Variants in DDX56 observed in about 807,000 individuals in gnomAD.
The protein encoded by DDX56 is DEAD-box helicase 56.
A neutral mutation model predicts 61.5 loss-of-function variants in DDX56; 45 were observed. The observed-to-expected ratio is 0.73, with a 90% confidence interval of 0.58 to 0.94. The LOEUF (loss-of-function observed/expected upper bound fraction) is 0.94. Among genes scored for constraint, DDX56 ranks in the 40% least tolerant of loss-of-function variants. The probability of loss-of-function intolerance (pLI) is 0.00; values close to 1 mark genes in which losing one functional copy is unlikely to be tolerated. For missense variants in DDX56, 708 were observed against 690.7 expected (o/e 1.02, Z -0.28); for synonymous variants, 273 against 268.3 (o/e 1.02, Z -0.17).
At position 44,568,154 on chromosome 7, in the gene DDX56, C is replaced by A; in HGVS notation, c.1453G>T (p.Val485Leu). 6.2e-7 allele frequency: 1 copy of A among 1,614,162 alleles called. No homozygotes were observed. The highest frequency in any genetic ancestry group is 8.5e-7 in the Non-Finnish European group (1 of 1,179,978). The stretch of plus-strand genomic sequence containing the variant: ...GGAACATGGCCCAGGTGGGGCTTCA[C>A]CACTGCGGGGTGCAAAGGTAGGTCA... ...RHDLPLHPAV[V>L]KPHLGHVPDY... The change falls in exon 12 of 14, where the codon GTG (valine) becomes TTG (leucine). Residue 485 changes from valine (V) to leucine (L), a missense_variant. Val to Leu is a conservative substitution (Grantham distance 32). Transcript: ENST00000258772.
chr7:44,571,838 G>A, intron 5 of DDX56, 102 bp from the exon 6 acceptor site: 2 of 1,474,376 alleles, frequency 1.4e-6, no homozygotes, highest in Admixed American at 1.9e-5. Context: ...GCAGGGCAGA[G>A]ATGCATTTAA....
Position 44,568,187 on chromosome 7 carries a change from G to A in DDX56, c.1420C>T (p.Leu474=). Residue 474 remains leucine (L), a synonymous_variant, in exon 12 of 14, where the codon CTG becomes TTG. Coordinates refer to ENST00000258772, the MANE Select transcript of DDX56 (RefSeq NM_019082.4). ...FEDNPRDLQL[L]RHDLPLHPAV... ...GGGTGCAAAGGTAGGTCATGCCGCA[G>A]CAGCTGGAGGTCCCTAGGGTTGTCT... 1.2e-6 allele frequency: 2 copies of A among 1,613,980 alleles called. No homozygotes were observed. The highest frequency in any genetic ancestry group is 1.7e-6 in the Non-Finnish European group (2 of 1,179,892).
Position 44,569,921 on chromosome 7 carries a change from G to A in DDX56, c.1125-18C>T. ...GTGCTGTCCTGCAAGGGAAGACAGT[G>A]CAGCTTGCATCTCCAACCCGCAGGC... is the stretch of plus-strand genomic sequence containing the variant. On this transcript the variant is annotated intron_variant, in intron 8 of 13. Coordinates refer to ENST00000258772, the MANE Select transcript of DDX56 (RefSeq NM_019082.4). The A allele has an allele frequency of 6.2e-7, 1 of 1,611,248 alleles. No individual in the cohort carries two copies. The highest frequency in any genetic ancestry group is 1.1e-5 in the South Asian group (1 of 90,504).
Position 44,572,725 on chromosome 7 carries a change from G to A in DDX56, c.403C>T (p.Pro135Ser). ...VSQRAVLMEK[P>S]DVVVGTPSRI... is the part of the protein sequence containing the mutation. ...GATGGGGTCCCTACTACCACATCTGGCTTCTCCATCAGCACAGCTCTGGAG... is the reference window on the plus strand; with the variant it reads ...GATGGGGTCCCTACTACCACATCTGACTTCTCCATCAGCACAGCTCTGGAG... The change falls in exon 4 of 14, where the codon CCA becomes TCA. Residue 135 changes from proline (P) to serine (S), a missense_variant. Physicochemically the swap from Pro to Ser is moderately conservative, Grantham distance 74. Coordinates refer to ENST00000258772, the MANE Select transcript of DDX56 (RefSeq NM_019082.4). The A allele has an allele frequency of 1.2e-6, 2 of 1,614,208 alleles. No individual in the cohort carries two copies. Among genetic ancestry groups the A allele is most frequent in the Non-Finnish European group, 1.7e-6 (2 of 1,180,044 alleles).
chr7:44,566,533 G>C lies in DDX56; in HGVS notation c.1490-9C>G. The C allele has an allele frequency of 1.3e-6, 2 of 1,549,506 alleles. No homozygotes were observed. The highest frequency in any genetic ancestry group is 1.4e-5 in the African/African-American group (1 of 73,164). On this transcript the variant is annotated splice_polypyrimidine_tract_variant and intron_variant, in intron 12 of 13. Coordinates refer to ENST00000258772, the MANE Select transcript of DDX56 (RefSeq NM_019082.4). ...ACGGAGAGCAGGAGGAACTGGAAGA[G>C]ATGCTTGCCTGAGCAGTGGGCTCAC... is the stretch of plus-strand genomic sequence containing the variant.
rs149185422 is a variant in DDX56, at chr7:44,570,735, T to C, written c.1010+23A>G. ...AAACACAGGCATTTCTGGGGAGGGA[T>C]GGAAAAAGAGGCATGGACTCACTTG... On this transcript the variant is annotated intron_variant, in intron 7 of 13. Coordinates refer to ENST00000258772, the MANE Select transcript of DDX56 (RefSeq NM_019082.4). 18 of 1,583,380 alleles carry C rather than the reference T, an allele frequency of 1.1e-5. No homozygotes were observed. In the African/African-American group the frequency reaches 2.2e-4, roughly 19 times the overall value.
Position 44,571,700 on chromosome 7 carries a change from G to C in DDX56, c.682C>G (p.Pro228Ala), listed in dbSNP as rs759621867. The change falls in exon 6 of 14, where the codon CCA becomes GCA. Residue 228 changes from proline to alanine, a missense_variant. Pro to Ala is a conservative substitution (Grantham distance 27). Transcript: ENST00000258772. ...LKLQESQLPG[P>A]DQLQQFQVVC... ...ACCTGAAACTGCTGTAACTGGTCTG[G>C]CCCAGGCAGCTGGGACTCCTGTAAC... The C allele has an allele frequency of 1.2e-6, 2 of 1,614,054 alleles. No individual in the cohort carries two copies. Among genetic ancestry groups the C allele is most frequent in the Non-Finnish European group, 1.7e-6 (2 of 1,180,030 alleles).
intron 12 of DDX56, among the ~76,000 whole-genome samples, chr7:44,566,953 G>A (rs2117117236): frequency 6.6e-6 from 1 of 152,068 alleles, no homozygotes; most frequent in Admixed American, 6.5e-5. Flanking sequence ...CCCTTCAAAT[G>A]TCAAACATCC....
intron 6 of DDX56, among the ~76,000 whole-genome samples, 171 bp from the exon 7 acceptor site, chr7:44,571,048 G>T (rs1015438614): frequency 6.6e-6 from 1 of 152,102 alleles, no homozygotes; most frequent in Non-Finnish European, 1.5e-5. Flanking sequence ...ATAGGGTTTT[G>T]TTTTTTTGAG....
At chr7:44,570,992 T>C (rs186793709) in intron 6 of DDX56, 115 bp from the exon 7 acceptor site, 2 of 1,304,694 alleles carry the variant, frequency 1.5e-6, no homozygotes, top group African/African-American at 3.0e-5. Flanking sequence ...TTAATCTCTT[T>C]CCCTACTTAA....
chr7:44,573,631 C>A lies in DDX56; in HGVS notation c.174G>T (p.Thr58=). The A allele has an allele frequency of 2.5e-6, 4 of 1,613,830 alleles. No individual in the cohort carries two copies. The highest frequency in any genetic ancestry group is 3.4e-6 in the Non-Finnish European group (4 of 1,180,028). Residue 58 remains threonine, a synonymous_variant, in exon 2 of 14, where the codon ACG becomes ACT. Transcript: ENST00000258772. ...LARARTGSGK[T]AAYAIPMLQL... ...GCAGCATCGGAATAGCATAAGCGGC[C>A]GTCTTCCCGGAGCCCGTGCGGGCCC... is the stretch of plus-strand genomic sequence containing the variant.
Position 44,573,599 on chromosome 7 carries a change from A to C in DDX56, c.206T>G (p.Leu69Trp). 6 of 1,613,716 alleles carry C rather than the reference A, an allele frequency of 3.7e-6. No individual in the cohort carries two copies. Among genetic ancestry groups the C allele is most frequent in the Non-Finnish European group, 5.1e-6 (6 of 1,179,864 alleles). The change falls in exon 2 of 14, where the codon TTG (leucine) becomes TGG (tryptophan). Residue 69 changes from leucine to tryptophan, a missense_variant. Transcript: ENST00000258772. ...AAYAIPMLQL[L>W]LHRKATGPVV... ...GTTACCCACCGCCTTCCTATGGAGCAACAGCTGCAGCATCGGAATAGCATA... is the reference window on the plus strand; with the variant it reads ...GTTACCCACCGCCTTCCTATGGAGCCACAGCTGCAGCATCGGAATAGCATA...
intron 11 of DDX56, among the ~76,000 whole-genome samples, chr7:44,568,603 A>G (rs558398664): frequency 6.6e-6 from 1 of 152,186 alleles, no homozygotes; most frequent in Admixed American, 6.5e-5. Context: ...ATGCAGGCAC[A>G]TGCTTGACTG....
rs1483367225 is a variant in DDX56, at chr7:44,566,017, T to C, written c.1629A>G (p.Thr543=). 6.2e-7 allele frequency: 1 copy of C among 1,612,856 alleles called. No individual in the cohort carries two copies. The highest frequency in any genetic ancestry group is 1.3e-5 in the African/African-American group (1 of 75,022). Residue 543 remains threonine, a synonymous_variant, in exon 14 of 14, where the codon ACA becomes ACG. Coordinates refer to ENST00000258772, the MANE Select transcript of DDX56 (RefSeq NM_019082.4). ...FKHKGKKFRP[T]AKPS ...CCCAACAACCTCAGGAGGGCTTGGC[T>C]GTGGGTCTGAATTTCTTTCCTTTGT...
Position 44,570,813 on chromosome 7 carries a change from C to T in DDX56, c.955G>A (p.Val319Ile), listed in dbSNP as rs150431895. ...YDCVIATDAE[V>I]LGAPVKGKRR... Reference sequence around the variant, plus strand: ...TTGCCCTTGACTGGGGCCCCCAGGACTTCAGCATCAGTTGCTATGACACAG... The same window carrying T: ...TTGCCCTTGACTGGGGCCCCCAGGATTTCAGCATCAGTTGCTATGACACAG... The change falls in exon 7 of 14, where the codon GTC becomes ATC. Residue 319 changes from valine (V) to isoleucine (I), a missense_variant. Val to Ile is a conservative substitution (Grantham distance 29). Transcript: ENST00000258772. 1.3e-3 allele frequency: 2,130 copies of T among 1,614,030 alleles called. 4 individuals carry two copies. The highest frequency in any genetic ancestry group is 4.3e-3 in the Middle Eastern group (26 of 6,060).
At chr7:44,566,301 G>C in intron 13 of DDX56, 147 bp downstream of exon 13, 1 of 814,598 alleles carries the variant, frequency 1.2e-6, no homozygotes. Flanking sequence ...CAGATTTTTG[G>C]GGCCCGGTTC....
At chr7:44,566,131 C>CGGGGGGGGGGGGGGGGGGGGGGGG in intron 13 of DDX56, 52 bp from the exon 14 acceptor site, 2 of 1,051,726 alleles carry the variant, frequency 1.9e-6, no homozygotes, top group Non-Finnish European at 1.4e-6. Context: ...GACAGACAAT[C>CGGGGGGGGGGGGGGGGGGGGGGGG]CACCCACCCA....
Position 44,568,856 on chromosome 7 carries a change from G to A in DDX56, c.1383+47C>T, listed in dbSNP as rs200123604. On this transcript the variant is annotated intron_variant, in intron 11 of 13. Transcript: ENST00000258772. ...TCGGAGCTCAGCCAGTCTCCAAAAA[G>A]GGCAGCCGTCTAAGATCTATCCCCT... 435 of 1,518,048 alleles carry A rather than the reference G, an allele frequency of 2.9e-4. 1 individual carries two copies. Among genetic ancestry groups the A allele is most frequent in the Admixed American group, 1.3e-3 (76 of 59,674 alleles). The allele number at this position is 1,518,048 out of a possible 1,614,324, so 94.0% of individuals were successfully genotyped here.
Position 44,568,111 on chromosome 7 carries a change from C to T in DDX56, c.1489+7G>A. 6.2e-7 allele frequency: 1 copy of T among 1,610,440 alleles called. No homozygotes were observed. The highest frequency in any genetic ancestry group is 8.5e-7 in the Non-Finnish European group (1 of 1,176,618). ...TGCTGCCTCCTGCCCTGTCAGGCCA[C>T]ACTCACCCAGGTAGTCAGGAACATG... On this transcript the variant is annotated splice_region_variant and intron_variant, in intron 12 of 13. Coordinates refer to ENST00000258772, the MANE Select transcript of DDX56 (RefSeq NM_019082.4).
Sources: allele counts gnomAD v4.1 joint callset (sites outside exome capture counted in the v4.1 genomes callset), GRCh38; gene constraint gnomAD v4.1.1; transcripts MANE v1.5; gene names NCBI Gene and HGNC (gene_info 2026-07-23, HGNC 2026-07-21).